The following LSAMP variants were observed in gnomAD, a reference collection of about 807,000 sequenced individuals.
LSAMP encodes limbic system associated membrane protein.
LSAMP carries 7 observed loss-of-function variants against 38.6 expected under a neutral mutation model. That is an observed-to-expected ratio of 0.18 (90% CI 0.10 to 0.34). The LOEUF (loss-of-function observed/expected upper bound fraction) is 0.34. Ranked by LOEUF, LSAMP falls within the 10% of genes least tolerant of loss-of-function variation. The pLI, the probability that LSAMP is intolerant of heterozygous loss-of-function variation, is 1.00. For missense variants in LSAMP, 313 were observed against 420.0 expected, an observed-to-expected ratio of 0.75 and a Z score of 2.23; for synonymous variants, 154 against 166.8, an observed-to-expected ratio of 0.92 and a Z score of 0.59.
At chr3:115,942,952 A>T (rs1265958778) in intron 3 of LSAMP, among the ~76,000 whole-genome samples, 1 of 152,214 alleles carries the variant, frequency 6.6e-6, no homozygotes, top group Non-Finnish European at 1.5e-5. Flanking sequence ...GAGGGAGATG[A>T]GCTAGGCTCA....
At chr3:116,359,861 A>G (rs1399182768) in intron 1 of LSAMP, among the ~76,000 whole-genome samples, 2 of 152,240 alleles carry the variant, frequency 1.3e-5, no homozygotes, top group East Asian at 1.9e-4. Flanking sequence ...GTGAAACTCA[A>G]AACTATAAAA....
intron 1 of LSAMP, among the ~76,000 whole-genome samples, chr3:116,383,308 C>G (rs2048586111): frequency 6.6e-6 from 1 of 151,990 alleles, no homozygotes; most frequent in African/African-American, 2.4e-5. Flanking sequence ...CATGGACTAA[C>G]AGTAGCCACC....
At chr3:116,022,431 C>G (rs1444842185) in intron 2 of LSAMP, among the ~76,000 whole-genome samples, 2 of 152,094 alleles carry the variant, frequency 1.3e-5, no homozygotes, top group Non-Finnish European at 2.9e-5. Flanking sequence ...GGATTCTCTC[C>G]TTAACCTCAA....
At chr3:116,156,153 AGGCAGGG>A (rs1307079902) in intron 1 of LSAMP, among the ~76,000 whole-genome samples, 1 of 152,156 alleles carries the variant, frequency 6.6e-6, no homozygotes, top group Non-Finnish European at 1.5e-5. Context: ...CAGAGTCCCC[AGGCAGGG>A]GGTGGCAAAT....
chr3:116,242,626 T>C (rs971937319), intron 1 of LSAMP, among the ~76,000 whole-genome samples: 1 of 152,202 alleles, frequency 6.6e-6, no homozygotes, highest in African/African-American at 2.4e-5. Context: ...AACATGTTTT[T>C]CCAAGTACTG....
intron 3 of LSAMP, among the ~76,000 whole-genome samples, chr3:115,937,470 A>G (rs1937742450): frequency 6.6e-6 from 1 of 150,834 alleles, no homozygotes; most frequent in East Asian, 1.9e-4. Flanking sequence ...GTGACACTCT[A>G]TCTTTATAAA....
At chr3:115,952,432 T>G (rs542544425) in intron 3 of LSAMP, among the ~76,000 whole-genome samples, 90 of 151,660 alleles carry the variant, frequency 5.9e-4, no homozygotes, top group African/African-American at 2.2e-3. Context: ...CTGGATGGAG[T>G]TGGAGACCAT....
At chr3:116,102,303 T>C (rs993085644) in intron 1 of LSAMP, among the ~76,000 whole-genome samples, 4 of 152,202 alleles carry the variant, frequency 2.6e-5, no homozygotes, top group Admixed American at 1.3e-4. Context: ...TTTTCTTGGA[T>C]TATTATAAAA....
chr3:116,293,078 A>ATAAT (rs1309904364), intron 1 of LSAMP, among the ~76,000 whole-genome samples: 1 of 152,200 alleles, frequency 6.6e-6, no homozygotes, highest in African/African-American at 2.4e-5. Flanking sequence ...CATATGTACC[A>ATAAT]TAATTTTCTT....
At chr3:115,975,557 AG>A (rs1172727795) in intron 3 of LSAMP, among the ~76,000 whole-genome samples, 1 of 152,148 alleles carries the variant, frequency 6.6e-6, no homozygotes, top group Non-Finnish European at 1.5e-5. Flanking sequence ...AGAAAGCGAG[AG>A]GGGAGATTAT....
At chr3:116,349,094 T>C (rs2048102938) in intron 1 of LSAMP, among the ~76,000 whole-genome samples, 1 of 152,078 alleles carries the variant, frequency 6.6e-6, no homozygotes, top group Non-Finnish European at 1.5e-5. Flanking sequence ...ATCTAATGAA[T>C]AGGACTATTG....
intron 3 of LSAMP, among the ~76,000 whole-genome samples, chr3:115,961,208 ATCT>A (rs1348590744): frequency 1.3e-5 from 2 of 152,152 alleles, no homozygotes; most frequent in South Asian, 2.1e-4. Flanking sequence ...TTCTCATAAG[ATCT>A]TCTCATATTG....
At chr3:116,226,973 A>G (rs992915084) in intron 1 of LSAMP, among the ~76,000 whole-genome samples, 2 of 152,068 alleles carry the variant, frequency 1.3e-5, no homozygotes, top group African/African-American at 4.8e-5. Context: ...CCAACATTTT[A>G]TTCTGATTTT....
chr3:115,931,854 C>T (rs989583983), intron 3 of LSAMP, among the ~76,000 whole-genome samples: 6 of 152,004 alleles, frequency 3.9e-5, no homozygotes, highest in Non-Finnish European at 5.9e-5. Flanking sequence ...AAACAAAGGA[C>T]GAGTAAATAG....
intron 1 of LSAMP, among the ~76,000 whole-genome samples, chr3:116,410,267 C>A (rs1264026993): frequency 6.6e-6 from 1 of 151,928 alleles, no homozygotes; most frequent in East Asian, 1.9e-4. Context: ...TGATTCTTGA[C>A]CTCACTAAAT....
At position 116,397,631 on chromosome 3, in the gene LSAMP, T is replaced by A. The variant is rs183099988; in HGVS notation, c.155+47246A>T. 3.1e-3 allele frequency among the ~76,000 whole-genome samples: 477 copies of A among 152,280 alleles called. 1 individual carries two copies. Among genetic ancestry groups the A allele is most frequent in the Middle Eastern group, 0.017 (5 of 294 alleles). On this transcript the variant is annotated intron_variant, in intron 1 of 6. Coordinates refer to ENST00000490035, the MANE Select transcript of LSAMP (RefSeq NM_002338.5). ...CAGGCAAGAAGTGAATGCTCAATAATTATTTCAACGAATGCACAAATGAAG... is the reference window on the plus strand; with the variant it reads ...CAGGCAAGAAGTGAATGCTCAATAAATATTTCAACGAATGCACAAATGAAG...
intron 3 of LSAMP, among the ~76,000 whole-genome samples, chr3:116,018,062 AT>A (rs923515754): frequency 8.5e-4 from 128 of 151,358 alleles, no homozygotes; most frequent in African/African-American, 2.8e-3. Flanking sequence ...CTTTATACAT[AT>A]TTTTTTTCCA....
chr3:116,041,620 C>T (rs1361521034), intron 2 of LSAMP, among the ~76,000 whole-genome samples: 1 of 151,368 alleles, frequency 6.6e-6, no homozygotes, highest in East Asian at 2.0e-4. Flanking sequence ...ATTGATCGTG[C>T]CATAGAGATG....
At chr3:116,328,698 T>C (rs935183379) in intron 1 of LSAMP, among the ~76,000 whole-genome samples, 3 of 152,138 alleles carry the variant, frequency 2.0e-5, no homozygotes, top group African/African-American at 4.8e-5. Context: ...AAGGCCCATC[T>C]GTACACTGAC....
Sources: allele counts gnomAD v4.1 joint callset (sites outside exome capture counted in the v4.1 genomes callset), GRCh38; gene constraint gnomAD v4.1.1; transcripts MANE v1.5; gene names NCBI Gene and HGNC (gene_info 2026-07-23, HGNC 2026-07-21).